The following RBFOX1 variants were observed in gnomAD, a reference collection of about 807,000 sequenced individuals.
The protein encoded by RBFOX1 is RNA binding protein fox-1 homolog 1.
RBFOX1 carries 8 observed loss-of-function variants against 57.7 expected under a neutral mutation model. That is an observed-to-expected ratio of 0.14 (90% CI 0.08 to 0.25). The LOEUF (loss-of-function observed/expected upper bound fraction) is 0.25, where lower values mean the gene tolerates loss of function less well. Among genes scored for constraint, RBFOX1 ranks in the 10% least tolerant of loss-of-function variants. The pLI is 1.00. For missense variants in RBFOX1, 611 were observed against 548.5 expected (o/e 1.11, Z -1.14); for synonymous variants, 326 against 222.4 (o/e 1.47, Z -4.15).
chr16:5,581,100 A>G (rs544959113), intron 2 of RBFOX1, among the ~76,000 whole-genome samples: 1 of 152,314 alleles, frequency 6.6e-6, no homozygotes, highest in Admixed American at 6.5e-5. Context: ...CGTAGCCACC[A>G]TTGTAGATGG....
At chr16:7,582,699 G>T (rs2093866614) in intron 6 of RBFOX1, among the ~76,000 whole-genome samples, 1 of 152,156 alleles carries the variant, frequency 6.6e-6, no homozygotes, top group African/African-American at 2.4e-5. Flanking sequence ...ACGTTATTTG[G>T]ACATGAGACA....
At chr16:6,830,057 C>G (rs1273429718) in intron 3 of RBFOX1, among the ~76,000 whole-genome samples, 4 of 152,102 alleles carry the variant, frequency 2.6e-5, no homozygotes, top group African/African-American at 9.7e-5. Flanking sequence ...ACTAGGATTA[C>G]AGGCACACAC....
intron 3 of RBFOX1, among the ~76,000 whole-genome samples, chr16:5,671,129 T>A (rs1415326382): frequency 1.3e-5 from 2 of 152,242 alleles, no homozygotes; most frequent in African/African-American, 4.8e-5. Flanking sequence ...CATCTTGCTC[T>A]CTTCTGTGGA....
chr16:6,607,129 A>G (rs2097944115), intron 2 of RBFOX1, among the ~76,000 whole-genome samples: 1 of 152,204 alleles, frequency 6.6e-6, no homozygotes, highest in Non-Finnish European at 1.5e-5. Context: ...AGTGGAAGTC[A>G]GCACTCTGCA....
intron 2 of RBFOX1, among the ~76,000 whole-genome samples, chr16:6,395,506 A>G (rs1252853118): frequency 6.6e-6 from 1 of 151,982 alleles, no homozygotes; most frequent in Non-Finnish European, 1.5e-5. Flanking sequence ...TTTTTTGTAG[A>G]TATTTAAGTT....
intron 4 of RBFOX1, among the ~76,000 whole-genome samples, chr16:5,942,200 T>C (rs1016081815): frequency 6.6e-6 from 1 of 151,662 alleles, no homozygotes; most frequent in Non-Finnish European, 1.5e-5. Flanking sequence ...GAGACTGGAG[T>C]TTTTTTTATT....
At chr16:6,421,159 C>T (rs1211945743) in intron 2 of RBFOX1, among the ~76,000 whole-genome samples, 1 of 152,198 alleles carries the variant, frequency 6.6e-6, no homozygotes, top group Non-Finnish European at 1.5e-5. Flanking sequence ...CCAGAGGCTT[C>T]TTGATCCAAT....
chr16:7,207,160 G>A (rs771627226), intron 4 of RBFOX1, among the ~76,000 whole-genome samples: 26 of 152,162 alleles, frequency 1.7e-4, no homozygotes, highest in Non-Finnish European at 2.4e-4. Flanking sequence ...AGAGGTGTAC[G>A]CTGTATTTTC....
At chr16:6,497,275 T>G (rs2095797461) in intron 2 of RBFOX1, among the ~76,000 whole-genome samples, 2 of 152,284 alleles carry the variant, frequency 1.3e-5, no homozygotes, top group Admixed American at 6.5e-5. Flanking sequence ...GACCAGCTCT[T>G]CTCAGGTGGG....
chr16:6,987,456 GACACACACACACACAC>G (rs199503873), intron 3 of RBFOX1, among the ~76,000 whole-genome samples: 263 of 135,518 alleles, frequency 1.9e-3, no homozygotes, highest in African/African-American at 4.5e-3. Flanking sequence ...AAACTTTTCA[GACACACACACACACAC>G]ACACACACAC....
chr16:6,711,213 T>A (rs1225970795), intron 3 of RBFOX1, among the ~76,000 whole-genome samples: 1 of 152,326 alleles, frequency 6.6e-6, no homozygotes, highest in East Asian at 1.9e-4. Context: ...GTTCTGTCTT[T>A]TCTTGCCTGG....
chr16:6,938,342 T>C (rs1450849462), intron 3 of RBFOX1, among the ~76,000 whole-genome samples: 2 of 152,170 alleles, frequency 1.3e-5, no homozygotes, highest in South Asian at 2.1e-4. Context: ...CCGAAGCCTA[T>C]TGTTGGCAAG....
At chr16:6,111,417 G>T (rs1457563031) in intron 1 of RBFOX1, among the ~76,000 whole-genome samples, 1 of 152,128 alleles carries the variant, frequency 6.6e-6, no homozygotes, top group Non-Finnish European at 1.5e-5. Context: ...TACACAGAGT[G>T]GGCTGTGAAA....
intron 1 of RBFOX1, among the ~76,000 whole-genome samples, chr16:6,226,329 T>C (rs1171947055): frequency 7.6e-6 from 1 of 132,378 alleles, no homozygotes; most frequent in East Asian, 2.2e-4. Context: ...GCCAAAATCA[T>C]GCCATTGCAC....
intron 3 of RBFOX1, among the ~76,000 whole-genome samples, chr16:6,936,069 T>C (rs149159114): frequency 0.011 from 1,617 of 152,348 alleles, 16 homozygotes; most frequent in Middle Eastern, 0.027. Context: ...TGCGTCAGGC[T>C]GACTGCGGGC....
chr16:6,951,820 G>T, intron 3 of RBFOX1, among the ~76,000 whole-genome samples: 1 of 152,038 alleles, frequency 6.6e-6, no homozygotes, highest in East Asian at 1.9e-4. Flanking sequence ...TGCAACCTCC[G>T]CCTCCTGGGT....
At chr16:6,029,170 G>A (rs777030961) in intron 1 of RBFOX1, among the ~76,000 whole-genome samples, 1 of 152,136 alleles carries the variant, frequency 6.6e-6, no homozygotes, top group Non-Finnish European at 1.5e-5. Flanking sequence ...TAGTTAGTGT[G>A]CTGTGATTTG....
intron 3 of RBFOX1, among the ~76,000 whole-genome samples, chr16:6,965,496 C>A (rs1016093134): frequency 6.6e-6 from 1 of 152,058 alleles, no homozygotes; most frequent in Non-Finnish European, 1.5e-5. Context: ...GCCACCATGC[C>A]TGGCTAATTT....
intron 3 of RBFOX1, among the ~76,000 whole-genome samples, chr16:5,725,455 GTCTT>G (rs1162700294): frequency 2.6e-5 from 4 of 151,432 alleles, no homozygotes; most frequent in African/African-American, 7.3e-5. Flanking sequence ...TAGAGATGAG[GTCTT>G]TCTTTGTTTT....
Sources: allele counts gnomAD v4.1 joint callset (sites outside exome capture counted in the v4.1 genomes callset), GRCh38; gene constraint gnomAD v4.1.1; transcripts MANE v1.5; gene names NCBI Gene and HGNC (gene_info 2026-07-23, HGNC 2026-07-21).